Variants in TSPEAR observed in about 807,000 individuals in gnomAD.
TSPEAR encodes thrombospondin-type laminin G domain and EAR repeat-containing protein.
In TSPEAR, 69 loss-of-function variants were observed where a neutral mutation model predicts 71.6. The observed-to-expected ratio is 0.96, with a 90% confidence interval of 0.79 to 1.18. The LOEUF (loss-of-function observed/expected upper bound fraction) is 1.18. Among genes scored for constraint, TSPEAR ranks in the 50% most tolerant of loss-of-function variants. The pLI is 0.00. For missense variants in TSPEAR, 971 were observed against 894.9 expected, an observed-to-expected ratio of 1.09 and a Z score of -1.09; for synonymous variants, 402 against 387.2, an observed-to-expected ratio of 1.04 and a Z score of -0.45.
chr21:44,518,312 G>A, intron 9 of TSPEAR: 1 of 469,512 alleles, frequency 2.1e-6, no homozygotes, highest in Non-Finnish European at 4.4e-6. Flanking sequence ...AGGATGGCAT[G>A]GGTGACACGC....
At chr21:44,514,744 G>T (rs1179036903) in intron 9 of TSPEAR, among the ~76,000 whole-genome samples, 1 of 152,172 alleles carries the variant, frequency 6.6e-6, no homozygotes, top group Admixed American at 6.5e-5. Context: ...GTCATTGGAG[G>T]CCTGGTGTCT....
At chr21:44,551,924 G>A (rs1421231060) in intron 2 of TSPEAR, among the ~76,000 whole-genome samples, 1 of 152,224 alleles carries the variant, frequency 6.6e-6, no homozygotes, top group Admixed American at 6.5e-5. Flanking sequence ...CAGGATGGAG[G>A]TGCCTGTGTT....
In TSPEAR at chr21:44,533,716, G is replaced by A; in HGVS notation, c.511C>T (p.Leu171Phe). Residue 171 changes from leucine to phenylalanine, a missense_variant, in exon 3 of 12, where the codon CTC (leucine) becomes TTC (phenylalanine). Coordinates refer to ENST00000323084, the MANE Select transcript of TSPEAR (RefSeq NM_144991.3). ...VLAVSAGVFS[L>F]TTDCGLPVDI... ...ACCGGGAGGCCGCAGTCCGTGGTGA[G>A]GGAGAAGACGCCTGCGGACACAGCC... The A allele has an allele frequency of 6.2e-7, 1 of 1,611,246 alleles. No homozygotes were observed. The highest frequency in any genetic ancestry group is 8.5e-7 in the Non-Finnish European group (1 of 1,179,090).
intron 1 of TSPEAR, chr21:44,647,706 T>C: frequency 2.9e-6 from 1 of 341,566 alleles, no homozygotes; most frequent in East Asian, 6.4e-5. Context: ...CTACTCCAAA[T>C]TTGGGGTGTG....
intron 2 of TSPEAR, chr21:44,558,573 G>A: frequency 1.9e-6 from 3 of 1,612,180 alleles, no homozygotes; most frequent in Non-Finnish European, 2.5e-6. Context: ...GCTCACTGGG[G>A]TGCAGACCAG....
intron 2 of TSPEAR, chr21:44,539,293 G>C (rs1284593285): frequency 1.0e-5 from 16 of 1,606,746 alleles, no homozygotes; most frequent in Non-Finnish European, 1.2e-5. Context: ...CCTGGCCTGA[G>C]CAGAGGCCTC....
At chr21:44,531,844 G>A (rs587721876) in intron 3 of TSPEAR, among the ~76,000 whole-genome samples, 57 of 152,366 alleles carry the variant, frequency 3.7e-4, no homozygotes, top group African/African-American at 1.0e-3. Flanking sequence ...GCTGAACTCC[G>A]GAGATGGAGC....
intron 1 of TSPEAR, among the ~76,000 whole-genome samples, chr21:44,674,118 C>CAAA (rs35708048): frequency 1.5e-3 from 212 of 136,946 alleles, no homozygotes; most frequent in African/African-American, 5.1e-3. Flanking sequence ...GACTCCATCT[C>CAAA]AAAAAAAAAA....
rs782623997 is a variant in TSPEAR, at chr21:44,558,310, A to G, written c.303+9475T>C. 1.4e-5 allele frequency: 23 copies of G among 1,613,974 alleles called. No individual in the cohort carries two copies. Among genetic ancestry groups the G allele is most frequent in the Non-Finnish European group, 1.9e-5 (22 of 1,179,976 alleles). On this transcript the variant is annotated intron_variant, in intron 2 of 11. Transcript: ENST00000323084. The stretch of plus-strand genomic sequence containing the variant: ...GGCTGGCGGCTAGACTGCTGGCAGC[A>G]TGAAGAGGAAGCCCCAGAGCAGACG...
intron 1 of TSPEAR, among the ~76,000 whole-genome samples, chr21:44,675,081 C>T (rs1601553820): frequency 6.6e-6 from 1 of 151,890 alleles, no homozygotes; most frequent in East Asian, 1.9e-4. Context: ...TCTATGAGGC[C>T]AGAATTACCT....
chr21:44,582,338 C>A (rs781887922), intron 1 of TSPEAR, among the ~76,000 whole-genome samples: 1 of 152,362 alleles, frequency 6.6e-6, no homozygotes, highest in African/African-American at 2.4e-5. Flanking sequence ...CACGGCCATA[C>A]ATGGCTCCGT....
intron 1 of TSPEAR, chr21:44,627,894 C>T (rs782195894): frequency 4.5e-5 from 73 of 1,611,068 alleles, no homozygotes; most frequent in Admixed American, 3.5e-4. Context: ...TGTGCAGGCC[C>T]GCCTGCTGCG....
At chr21:44,575,499 G>T in intron 1 of TSPEAR, 1 of 170,906 alleles carries the variant, frequency 5.9e-6, no homozygotes, top group Non-Finnish European at 1.3e-5. Flanking sequence ...TGGTTCCCAG[G>T]GGTCCAGGCT....
Position 44,579,969 on chromosome 21 carries a change from T to C in TSPEAR, c.83-11964A>G, listed in dbSNP as rs372237792. On this transcript the variant is annotated intron_variant, in intron 1 of 11. Transcript: ENST00000323084. ...GTGGTGCAGCAAGCCGGCTGACAGC[T>C]AGACTGCTGGCAGCATGAAGTGGAA... 7 of 1,613,594 alleles carry C rather than the reference T, an allele frequency of 4.3e-6. No homozygotes were observed. The South Asian group carries it at 6.6e-5, about 15-fold the overall frequency.
intron 1 of TSPEAR, among the ~76,000 whole-genome samples, chr21:44,630,374 G>C (rs942567830): frequency 6.6e-6 from 1 of 152,262 alleles, no homozygotes; most frequent in East Asian, 1.9e-4. Context: ...AAAGGCAAAT[G>C]AACCAGTCAC....
At chr21:44,589,381 T>G (rs1163968950) in intron 1 of TSPEAR, among the ~76,000 whole-genome samples, 3 of 152,234 alleles carry the variant, frequency 2.0e-5, no homozygotes, top group Admixed American at 6.5e-5. Flanking sequence ...TTCCACTTCT[T>G]GGCTGTTGTC....
At chr21:44,500,226 C>T (rs891101296) in intron 11 of TSPEAR, among the ~76,000 whole-genome samples, 7 of 152,238 alleles carry the variant, frequency 4.6e-5, no homozygotes, top group Non-Finnish European at 7.3e-5. Flanking sequence ...CCCAAACGTG[C>T]AGTTCCGAGG....
chr21:44,697,201 C>G (rs1987387755), intron 1 of TSPEAR: 1 of 1,613,224 alleles, frequency 6.2e-7, no homozygotes, highest in Non-Finnish European at 8.5e-7. Flanking sequence ...CTGCATCCAC[C>G]ATGTCCGTCT....
chr21:44,675,889 G>C (rs1986291388), intron 1 of TSPEAR: 1 of 728,600 alleles, frequency 1.4e-6, no homozygotes, highest in African/African-American at 1.7e-5. Flanking sequence ...GTACTTGAGT[G>C]GTTCTTGTGC....
Sources: allele counts gnomAD v4.1 joint callset (sites outside exome capture counted in the v4.1 genomes callset), GRCh38; gene constraint gnomAD v4.1.1; transcripts MANE v1.5; gene names NCBI Gene and HGNC (gene_info 2026-07-23, HGNC 2026-07-21).